Variants in TPCN2 observed in about 807,000 individuals in gnomAD.
TPCN2 encodes two pore segment channel 2.
TPCN2 carries 92 observed loss-of-function variants against 111.4 expected under a neutral mutation model. That is an observed-to-expected ratio of 0.83 (90% confidence interval 0.70 to 0.98). TPCN2 has a LOEUF of 0.98. Among genes scored for constraint, TPCN2 ranks in the 50% least tolerant of loss-of-function variants. The pLI is 0.00. For missense variants in TPCN2, 995 were observed against 980.1 expected (o/e 1.02, Z -0.20); for synonymous variants, 405 against 414.5 (o/e 0.98, Z 0.28).
At chr11:69,071,696 A>G (rs749371660) in intron 10 of TPCN2, among the ~76,000 whole-genome samples, 10 of 152,062 alleles carry the variant, frequency 6.6e-5, no homozygotes, top group Non-Finnish European at 4.4e-5. Context: ...GGCCCAGCAT[A>G]TTGCGCAGCA....
chr11:69,082,456 G>T (rs1267940725), intron 18 of TPCN2, among the ~76,000 whole-genome samples: 2 of 152,280 alleles, frequency 1.3e-5, no homozygotes, highest in African/African-American at 2.4e-5. Flanking sequence ...CGTATGCACA[G>T]ATAATCACAT....
intron 17 of TPCN2, 74 bp downstream of exon 17, chr11:69,079,957 G>T: frequency 6.9e-7 from 1 of 1,447,760 alleles, no homozygotes; most frequent in East Asian, 2.3e-5. Context: ...GAGGGTCTCA[G>T]TGGTGTCCAG....
chr11:69,061,854 GGTGGT>G (rs57676632), intron 5 of TPCN2, among the ~76,000 whole-genome samples: 69,951 of 151,322 alleles, frequency 0.46, 16,538 homozygotes, highest in Non-Finnish European at 0.52. Flanking sequence ...CAGGACTGTG[GGTGGT>G]GTGGTGGCCG....
chr11:69,070,480 G>T lies in TPCN2; in HGVS notation c.880G>T (p.Val294Phe). The T allele has an allele frequency of 6.2e-7, 1 of 1,609,020 alleles. No individual in the cohort carries two copies. The part of the protein sequence containing the change: ...KNRAYAIFFI[V>F]FTVIGSLFLM... ...CCGGGCCTATGCCATCTTCTTCATA[G>T]TCTTCACTGTGATAGGTGAGTGCAG... is the stretch of plus-strand genomic sequence containing the variant. Residue 294 changes from valine to phenylalanine, a missense_variant, in exon 9 of 25, where the codon GTC becomes TTC. Coordinates refer to ENST00000294309, the MANE Select transcript of TPCN2 (RefSeq NM_139075.4).
At chr11:69,082,468 C>G (rs1420571987) in intron 18 of TPCN2, among the ~76,000 whole-genome samples, 2 of 152,282 alleles carry the variant, frequency 1.3e-5, no homozygotes, top group Admixed American at 6.5e-5. Flanking sequence ...TAATCACATG[C>G]AAATATCCAT....
chr11:69,052,080 C>T (rs928835105), intron 1 of TPCN2, among the ~76,000 whole-genome samples: 3 of 152,200 alleles, frequency 2.0e-5, no homozygotes, highest in African/African-American at 4.8e-5. Flanking sequence ...AAAAGCCAGG[C>T]GAAAGGGAAC....
Position 69,062,945 on chromosome 11 carries a change from A to G in TPCN2, c.608A>G (p.Lys203Arg). 1.2e-6 allele frequency: 2 copies of G among 1,613,956 alleles called. No homozygotes were observed. Among genetic ancestry groups the G allele is most frequent in the Non-Finnish European group, 1.7e-6 (2 of 1,179,888 alleles). ...FFLLQNSSMM[K>R]KTLKCIRWSL... ...CTGCTGCAGAACTCCTCTATGATGA[A>G]GAAGACCTTGAAATGCATCCGCTGG... The change falls in exon 6 of 25, where the codon AAG becomes AGG. Residue 203 changes from lysine (K) to arginine (R), a missense_variant. Lys to Arg is a conservative substitution (Grantham distance 26). Coordinates refer to ENST00000294309, the MANE Select transcript of TPCN2 (RefSeq NM_139075.4).
Position 69,055,019 on chromosome 11 carries a change from A to G in TPCN2, c.252-156A>G, listed in dbSNP as rs1008372314. The G allele has an allele frequency of 4.6e-5, 42 of 922,756 alleles. No individual in the cohort carries two copies. The African/African-American group carries it at 6.1e-4, about 13-fold the overall frequency. 57.2% of individuals were successfully genotyped at this position (922,756 alleles called of 1,614,324 possible). On this transcript the variant is annotated intron_variant, in intron 3 of 24. Coordinates refer to ENST00000294309, the MANE Select transcript of TPCN2 (RefSeq NM_139075.4). ...GGAATGCTGTGGTCAGCCCTCGGCA[A>G]TGGAGCTTTGAGCAGATTCGTGATC...
rs11228470 is a variant in TPCN2, at chr11:69,062,645, C to T, written c.547-239C>T. Among the ~76,000 whole-genome samples the T allele has an allele frequency of 5.4e-3, 817 of 152,102 alleles. 6 individuals carry two copies. The highest frequency in any genetic ancestry group is 0.018 in the African/African-American group (757 of 41,470). Reference sequence around the variant, plus strand: ...AGGATTGGGGAACCTGTGTGTGCAGCGCCCAGGAGTTGGGAGATGGGTAGT... The same window carrying T: ...AGGATTGGGGAACCTGTGTGTGCAGTGCCCAGGAGTTGGGAGATGGGTAGT... On this transcript the variant is annotated intron_variant, in intron 5 of 24. Transcript: ENST00000294309.
rs147779433 is a variant in TPCN2, at chr11:69,070,460, C to T, written c.860C>T (p.Ala287Val). The change falls in exon 9 of 25, where the codon GCC becomes GTC. Residue 287 changes from alanine to valine, a missense_variant. Physicochemically the swap from Ala to Val is moderately conservative, Grantham distance 64. Transcript: ENST00000294309. ...VMIPAYSKNR[A>V]YAIFFIVFTV... ...ATTCCTGCGTATTCCAAGAACCGGG[C>T]CTATGCCATCTTCTTCATAGTCTTC... 121 of 1,611,488 alleles carry T rather than the reference C, an allele frequency of 7.5e-5. No individual in the cohort carries two copies. In the Middle Eastern group the frequency reaches 1.5e-3, roughly 20 times the overall value.
intron 5 of TPCN2, among the ~76,000 whole-genome samples, chr11:69,060,219 C>G (rs1006969249): frequency 2.6e-5 from 4 of 152,254 alleles, no homozygotes; most frequent in African/African-American, 9.6e-5. Context: ...GGGGACTGCC[C>G]AACCCTGCCC....
chr11:69,078,356 G>A, intron 13 of TPCN2, 126 bp from the exon 14 acceptor site: 1 of 1,215,024 alleles, frequency 8.2e-7, no homozygotes, highest in South Asian at 1.5e-5. Context: ...CCTGTGGCTG[G>A]ATAGATAGGA....
chr11:69,049,297 C>T (rs1861106770), intron 1 of TPCN2, among the ~76,000 whole-genome samples, 191 bp downstream of exon 1: 1 of 152,174 alleles, frequency 6.6e-6, no homozygotes, highest in Admixed American at 6.5e-5. Flanking sequence ...CCTGCGGACC[C>T]GGACCGGGGT....
At chr11:69,071,883 G>A (rs1363474400) in intron 10 of TPCN2, 40 bp from the exon 11 acceptor site, 1 of 1,585,548 alleles carries the variant, frequency 6.3e-7, no homozygotes. Flanking sequence ...CTGAGCTGGG[G>A]GAGGGCTGAT....
chr11:69,054,051 A>C lies in TPCN2; in HGVS notation c.128A>C (p.Asp43Ala). The C allele has an allele frequency of 6.2e-7, 1 of 1,613,588 alleles. No homozygotes were observed. The highest frequency in any genetic ancestry group is 8.5e-7 in the Non-Finnish European group (1 of 1,179,898). The change falls in exon 2 of 25, where the codon GAC becomes GCC. Residue 43 changes from aspartate to alanine, a missense_variant. Transcript: ENST00000294309. Reference protein sequence around the residue: ...QVGPGAAARWDLCIDQAVVFI... With the variant: ...QVGPGAAARWALCIDQAVVFI... ...CCTGCAGGTGCCGCGGCCAGGTGGGACCTCTGCATTGATCAGGCTGTGGTC... is the reference window on the plus strand; with the variant it reads ...CCTGCAGGTGCCGCGGCCAGGTGGGCCCTCTGCATTGATCAGGCTGTGGTC...
intron 18 of TPCN2, 55 bp from the exon 19 acceptor site, chr11:69,083,890 T>C: frequency 3.2e-6 from 5 of 1,553,456 alleles, no homozygotes; most frequent in Non-Finnish European, 4.4e-6. Context: ...GCCGGGATGG[T>C]GTCCCCTCAG....
intron 4 of TPCN2, 33 bp downstream of exon 4, chr11:69,055,385 C>T (rs748374933): frequency 5.1e-6 from 8 of 1,558,042 alleles, no homozygotes; most frequent in African/African-American, 2.7e-5. Context: ...TACGTGCTGC[C>T]CCGGCCTCCC....
At chr11:69,082,580 A>C (rs1856069098) in intron 18 of TPCN2, among the ~76,000 whole-genome samples, 2 of 151,990 alleles carry the variant, frequency 1.3e-5, no homozygotes, top group African/African-American at 4.8e-5. Context: ...TCGTGTGTGC[A>C]CACATCGCAT....
At chr11:69,060,323 A>G (rs1854965382) in intron 5 of TPCN2, among the ~76,000 whole-genome samples, 1 of 152,204 alleles carries the variant, frequency 6.6e-6, no homozygotes, top group African/African-American at 2.4e-5. Flanking sequence ...GCCGGCTATC[A>G]TTCAGCACGT....
Sources: gnomAD v4.1 joint callset for allele counts (sites outside exome capture counted in the v4.1 genomes callset) on GRCh38, gnomAD v4.1.1 for gene constraint, MANE v1.5 for transcripts, NCBI Gene and HGNC (gene_info 2026-07-23, HGNC 2026-07-21) for gene names.